The following SELENOO variants were observed in gnomAD, a reference collection of about 807,000 sequenced individuals.
SELENOO encodes selenoprotein O, also known as protein adenylyltransferase SelO, mitochondrial.
A neutral mutation model predicts 58.7 loss-of-function variants in SELENOO; 74 were observed. That is an observed-to-expected ratio of 1.26 (90% CI 1.04 to 1.53). The LOEUF is 1.53. Ranked by LOEUF, SELENOO falls within the 40% of genes most tolerant of loss-of-function variation. The pLI is 0.00. For synonymous variants in SELENOO, 543 were observed against 453.2 expected, an observed-to-expected ratio of 1.20 and a Z score of -2.52; for missense variants, 1,149 against 970.0, an observed-to-expected ratio of 1.18 and a Z score of -2.45.
At chr22:50,210,437 A>T in intron 4 of SELENOO, 126 bp downstream of exon 4, 1 of 1,377,518 alleles carries the variant, frequency 7.3e-7, no homozygotes, top group South Asian at 1.3e-5. Flanking sequence ...CTGGGGGCTG[A>T]TGTAGGAAGT....
At chr22:50,210,347 C>T in intron 4 of SELENOO, 36 bp downstream of exon 4, 1 of 1,601,304 alleles carries the variant, frequency 6.2e-7, no homozygotes, top group Non-Finnish European at 8.5e-7. Flanking sequence ...GTGCAGGCCC[C>T]AGGGCTGGGG....
Position 50,208,728 on chromosome 22 carries a change from G to C in SELENOO, c.939+12G>C, listed in dbSNP as rs747721015. On this transcript the variant is annotated intron_variant, in intron 3 of 8. Coordinates refer to ENST00000380903, the MANE Select transcript of SELENOO (RefSeq NM_031454.2). ...CCTTCTTCCGGGAGGTCAGTGGGCC[G>C]CACGCCACCCCTCCCTGCGGGTGGA... is the stretch of plus-strand genomic sequence containing the variant. The C allele has an allele frequency of 6.2e-7, 1 of 1,606,834 alleles. No homozygotes were observed.
At chr22:50,206,564 G>T in intron 2 of SELENOO, 44 bp downstream of exon 2, 1 of 1,524,812 alleles carries the variant, frequency 6.6e-7, no homozygotes, top group South Asian at 1.2e-5. Flanking sequence ...CACTTGCTTA[G>T]AGTCCTAGGA....
Position 50,201,067 on chromosome 22 carries a change from T to TCGCTCGCGGCTG in SELENOO, c.33_44dup (p.Leu12_Ala15dup). 1 of 1,359,184 alleles carries TCGCTCGCGGCTG rather than the reference T, an allele frequency of 7.4e-7. No individual in the cohort carries two copies. Among genetic ancestry groups the TCGCTCGCGGCTG allele is most frequent in the Non-Finnish European group, 9.5e-7 (1 of 1,056,230 alleles). The allele number at this position is 1,359,184 out of a possible 1,614,324, so 84.2% of individuals were successfully genotyped here. On this transcript the variant is annotated inframe_insertion, in exon 1 of 9. Transcript: ENST00000380903. ...CGTATACAGGGCAGCGCTCGGGGCT[T>TCGCTCGCGGCTG]CGCTCGCGGCTGCCCGACTCTTGCC...
In SELENOO at chr22:50,210,839, G is replaced by A; in HGVS notation, c.1279G>A (p.Gly427Ser). 1 of 1,614,136 alleles carries A rather than the reference G, an allele frequency of 6.2e-7. No homozygotes were observed. Among genetic ancestry groups the A allele is most frequent in the Non-Finnish European group, 8.5e-7 (1 of 1,180,036 alleles). The change falls in exon 5 of 9, where the codon GGC becomes AGC. Residue 427 changes from glycine (G) to serine (S), a missense_variant. Transcript: ENST00000380903. ...CCTGCAGAAGATGCGCAGGAAGCTG[G>A]GCCTCGTGCAGGTGGAGCTGGAGGA... ...HYLQKMRRKL[G>S]LVQVELEEDG...
At chr22:50,211,143 G>A (rs1602493512) in intron 5 of SELENOO, among the ~76,000 whole-genome samples, 1 of 152,150 alleles carries the variant, frequency 6.6e-6, no homozygotes, top group East Asian at 1.9e-4. Flanking sequence ...CTTAGCATAA[G>A]GTCCTCAATG....
chr22:50,207,504 G>C (rs529519748), intron 2 of SELENOO, among the ~76,000 whole-genome samples: 9 of 151,978 alleles, frequency 5.9e-5, no homozygotes, highest in African/African-American at 2.2e-4. Flanking sequence ...GTTGTCTGTT[G>C]GTCTTGCAGC....
chr22:50,208,430 C>CAA (rs58098510), intron 2 of SELENOO, 106 bp from the exon 3 acceptor site: 518 of 874,156 alleles, frequency 5.9e-4, no homozygotes, highest in Non-Finnish European at 7.1e-4. Flanking sequence ...GACTCCATCT[C>CAA]AAAAAAAAAA....
In SELENOO at chr22:50,210,329, C is replaced by G. The variant is rs986781490; in HGVS notation, c.1070+18C>G. On this transcript the variant is annotated intron_variant, in intron 4 of 8. Coordinates refer to ENST00000380903, the MANE Select transcript of SELENOO (RefSeq NM_031454.2). Reference sequence around the variant, plus strand: ...CTGGACAGGTAAGTGGCCCTGGGGCCCAGCAAAGTGCAGGCCCCAGGGCTG... The same window carrying G: ...CTGGACAGGTAAGTGGCCCTGGGGCGCAGCAAAGTGCAGGCCCCAGGGCTG... 3.7e-6 allele frequency: 6 copies of G among 1,611,774 alleles called. No homozygotes were observed. Among genetic ancestry groups the G allele is most frequent in the Non-Finnish European group, 5.1e-6 (6 of 1,179,538 alleles).
chr22:50,201,063 G>T lies in SELENOO; in HGVS notation c.27G>T (p.Gly9=). The T allele has an allele frequency of 3.7e-6, 5 of 1,358,316 alleles. No individual in the cohort carries two copies. Among genetic ancestry groups the T allele is most frequent in the Non-Finnish European group, 4.7e-6 (5 of 1,055,790 alleles). The allele number at this position is 1,358,316 out of a possible 1,614,324, so 84.1% of individuals were successfully genotyped here. Residue 9 remains glycine (G), a synonymous_variant, in exon 1 of 9, where the codon GGG becomes GGT. Transcript: ENST00000380903. Reference sequence around the variant, plus strand: ...TGGCCGTATACAGGGCAGCGCTCGGGGCTTCGCTCGCGGCTGCCCGACTCT... The same window carrying T: ...TGGCCGTATACAGGGCAGCGCTCGGTGCTTCGCTCGCGGCTGCCCGACTCT... MAVYRAAL[G]ASLAAARLLP...
In SELENOO at chr22:50,217,381, C is replaced by T. The variant is rs367924585; in HGVS notation, c.*12C>T. ...CATGATCTTCGTAACGGCCTCGGCA[C>T]GCTCCACACCCCTGGAGTCTCCCGA... is the stretch of plus-strand genomic sequence containing the variant. On this transcript the variant is annotated 3_prime_UTR_variant, in exon 9 of 9. Coordinates refer to ENST00000380903, the MANE Select transcript of SELENOO (RefSeq NM_031454.2). The T allele has an allele frequency of 1.1e-5, 17 of 1,611,968 alleles. No individual in the cohort carries two copies. Among genetic ancestry groups the T allele is most frequent in the African/African-American group, 1.3e-5 (1 of 74,868 alleles).
intron 5 of SELENOO, among the ~76,000 whole-genome samples, chr22:50,212,632 G>C (rs1281547932): frequency 2.0e-5 from 3 of 152,134 alleles, no homozygotes; most frequent in African/African-American, 7.2e-5. Context: ...GCAGCCCCTG[G>C]TAGCAACCAC....
intron 6 of SELENOO, among the ~76,000 whole-genome samples, 197 bp from the exon 7 acceptor site, chr22:50,216,494 C>T (rs1023566365): frequency 5.9e-5 from 9 of 152,248 alleles, no homozygotes; most frequent in Middle Eastern, 3.2e-3. Flanking sequence ...GGGCCTTGGC[C>T]GAGCATGGGC....
chr22:50,210,945 C>T (rs766420049), intron 5 of SELENOO, 34 bp downstream of exon 5: 2 of 1,611,530 alleles, frequency 1.2e-6, no homozygotes, highest in East Asian at 2.2e-5. Context: ...AGCAAGGCGC[C>T]TCCCGTGCTG....
intron 4 of SELENOO, 142 bp from the exon 5 acceptor site, chr22:50,210,489 G>A: frequency 1.4e-6 from 2 of 1,382,334 alleles, no homozygotes; most frequent in South Asian, 2.6e-5. Context: ...CCAGGGGCTG[G>A]TGAGACAGGA....
Position 50,217,459 on chromosome 22 carries a change from T to C in SELENOO, c.*90T>C. On this transcript the variant is annotated 3_prime_UTR_variant, in exon 9 of 9. Transcript: ENST00000380903. ...GATGATGCCAGGCTGCCCTATACAC[T>C]GGGGGATTCTGCCCTGGCCCATGCA... 1 of 1,458,228 alleles carries C rather than the reference T, an allele frequency of 6.9e-7. No homozygotes were observed. The highest frequency in any genetic ancestry group is 2.4e-5 in the East Asian group (1 of 41,120). 90.3% of individuals were successfully genotyped at this position (1,458,228 alleles called of 1,614,324 possible).
intron 3 of SELENOO, 147 bp from the exon 4 acceptor site, chr22:50,210,034 A>G (rs2064357251): frequency 1.1e-6 from 1 of 880,344 alleles, no homozygotes; most frequent in Non-Finnish European, 1.7e-6. Context: ...TGAGGCGGTG[A>G]CAGGACATCA....
intron 1 of SELENOO, among the ~76,000 whole-genome samples, chr22:50,204,051 T>C (rs985314026): frequency 5.9e-5 from 9 of 152,248 alleles, no homozygotes; most frequent in African/African-American, 2.2e-4. Context: ...TTCAAAGATG[T>C]GGCCAATAAG....
rs2064432520 is a variant in SELENOO at position 50,217,536 on chromosome 22, C to CT, written c.*168dup. The CT allele has an allele frequency of 1.9e-6, 2 of 1,036,882 alleles. No homozygotes were observed. The highest frequency in any genetic ancestry group is 2.8e-5 in the Admixed American group (1 of 35,214). 64.2% of individuals were successfully genotyped at this position (1,036,882 alleles called of 1,614,324 possible). A position where few individuals can be genotyped will look rare whatever the true frequency, so the allele number is the denominator to read the frequency against. On this transcript the variant is annotated 3_prime_UTR_variant, in exon 9 of 9. Coordinates refer to ENST00000380903, the MANE Select transcript of SELENOO (RefSeq NM_031454.2). ...CATCCAGTCAGGACCTGACCCGTCT[C>CT]TGTCTGAGGCCGGCTCAGCAGTGCA... is the stretch of plus-strand genomic sequence containing the variant.
Sources: allele counts gnomAD v4.1 joint callset (sites outside exome capture counted in the v4.1 genomes callset), GRCh38; gene constraint gnomAD v4.1.1; transcripts MANE v1.5; gene names NCBI Gene and HGNC (gene_info 2026-07-23, HGNC 2026-07-21).